PTPRJ: variants seen among roughly 807,000 people sequenced by gnomAD.
PTPRJ encodes protein tyrosine phosphatase receptor type J, also known as receptor-type tyrosine-protein phosphatase eta.
In PTPRJ, 129 loss-of-function variants were observed where a neutral mutation model predicts 141.3. The ratio of observed to expected loss-of-function variants is 0.91; its 90% CI spans 0.79 to 1.06. PTPRJ has a LOEUF of 1.06. Ranked by LOEUF, PTPRJ falls within the 50% of genes least tolerant of loss-of-function variation. The probability of loss-of-function intolerance (pLI) is 0.00; values close to 1 mark genes in which losing one functional copy is unlikely to be tolerated. For missense variants in PTPRJ, 1,601 were observed against 1,679.7 expected (o/e 0.95, Z 0.82); for synonymous variants, 610 against 640.5 (o/e 0.95, Z 0.72).
At chr11:48,072,350 C>G (rs1855284426) in intron 1 of PTPRJ, among the ~76,000 whole-genome samples, 1 of 152,164 alleles carries the variant, frequency 6.6e-6, no homozygotes, top group Non-Finnish European at 1.5e-5. Flanking sequence ...AGAAAGAGGG[C>G]TGAACTTGCC....
At chr11:47,982,848 C>T (rs2134169854) in intron 1 of PTPRJ, among the ~76,000 whole-genome samples, 1 of 152,120 alleles carries the variant, frequency 6.6e-6, no homozygotes, top group Non-Finnish European at 1.5e-5. Context: ...TTAGATATTT[C>T]CTTCCTCTAT....
In PTPRJ at chr11:48,014,083, AG is replaced by A. The variant is rs553447730; in HGVS notation, c.96+33078del. ...CAGAGTTAGTAGGTGGTGGTGATGGAGGGTATTGGCGTGAAGAGTGTGGATG... is the reference window on the plus strand; with the variant it reads ...CAGAGTTAGTAGGTGGTGGTGATGGAGGTATTGGCGTGAAGAGTGTGGATG... On this transcript the variant is annotated intron_variant, in intron 1 of 24. Transcript: ENST00000418331. Among the ~76,000 whole-genome samples, 23 of 152,156 alleles carry A rather than the reference AG, an allele frequency of 1.5e-4. No individual in the cohort carries two copies. The East Asian group carries it at 4.1e-3, about 27-fold the overall frequency.
intron 1 of PTPRJ, among the ~76,000 whole-genome samples, chr11:48,072,130 C>A (rs1855277925): frequency 6.6e-6 from 1 of 152,040 alleles, no homozygotes; most frequent in Non-Finnish European, 1.5e-5. Flanking sequence ...GTCTTGAGCT[C>A]CTGACCTCAG....
chr11:48,069,090 A>G (rs1465984836), intron 1 of PTPRJ, among the ~76,000 whole-genome samples: 2 of 149,616 alleles, frequency 1.3e-5, no homozygotes, highest in African/African-American at 2.5e-5. Flanking sequence ...ATGTGTACCC[A>G]TTTTCAAATG....
At chr11:48,043,170 G>T (rs1854310827) in intron 1 of PTPRJ, among the ~76,000 whole-genome samples, 1 of 152,074 alleles carries the variant, frequency 6.6e-6, no homozygotes, top group Non-Finnish European at 1.5e-5. Flanking sequence ...TTCTCTTTTA[G>T]CTCCATATTT....
rs1385819590 is a variant in PTPRJ at position 47,980,726 on chromosome 11, C to G, written c.-187C>G. 1.7e-5 allele frequency: 17 copies of G among 1,003,016 alleles called. 1 individual carries two copies. In the Middle Eastern group the frequency reaches 2.0e-3, roughly 115 times the overall value. 62.1% of individuals were successfully genotyped at this position (1,003,016 alleles called of 1,614,324 possible). On this transcript the variant is annotated 5_prime_UTR_variant, in exon 1 of 25. Transcript: ENST00000418331. ...GCCGCGCTAGGCTCCGGCGTGTGGCCGCGGCCGCCGCCGCCGCTGCCATGT... is the reference window on the plus strand; with the variant it reads ...GCCGCGCTAGGCTCCGGCGTGTGGCGGCGGCCGCCGCCGCCGCTGCCATGT...
intron 22 of PTPRJ, among the ~76,000 whole-genome samples, chr11:48,162,257 A>G (rs927328549): frequency 1.3e-5 from 2 of 151,968 alleles, no homozygotes; most frequent in South Asian, 4.1e-4. Context: ...TCCTTTGACT[A>G]CCACCCCTAA....
At chr11:48,090,918 G>T (rs1855853476) in intron 1 of PTPRJ, among the ~76,000 whole-genome samples, 1 of 152,134 alleles carries the variant, frequency 6.6e-6, no homozygotes, top group Admixed American at 6.5e-5. Context: ...GTCAAGCACT[G>T]TGGGAAAGGC....
intron 1 of PTPRJ, among the ~76,000 whole-genome samples, chr11:47,981,292 GC>G (rs1853899184): frequency 6.6e-6 from 1 of 152,162 alleles, no homozygotes; most frequent in Non-Finnish European, 1.5e-5. Context: ...GCCGTCCCTG[GC>G]CCGGCTCTTC....
chr11:48,056,740 G>C (rs932875688), intron 1 of PTPRJ, among the ~76,000 whole-genome samples: 1 of 152,152 alleles, frequency 6.6e-6, no homozygotes, highest in Admixed American at 6.5e-5. Flanking sequence ...ATCATCTGAG[G>C]TCAGGAGTTC....
intron 12 of PTPRJ, among the ~76,000 whole-genome samples, chr11:48,144,034 T>G (rs902092203): frequency 6.6e-6 from 1 of 151,934 alleles, no homozygotes; most frequent in Non-Finnish European, 1.5e-5. Flanking sequence ...TGGGAGATTC[T>G]TTATGCATGA....
At chr11:48,115,906 A>G (rs1419738660) in intron 3 of PTPRJ, among the ~76,000 whole-genome samples, 1 of 152,164 alleles carries the variant, frequency 6.6e-6, no homozygotes, top group African/African-American at 2.4e-5. Context: ...CATGGTAACC[A>G]CAAAGAAGAA....
At chr11:48,149,832 A>G (rs1440259455) in intron 16 of PTPRJ, 158 bp from the exon 17 acceptor site, 2 of 601,796 alleles carry the variant, frequency 3.3e-6, no homozygotes, top group East Asian at 6.0e-5. Flanking sequence ...GATTTCCTGA[A>G]TCATATTTTA....
At chr11:48,047,220 A>G (rs1854431131) in intron 1 of PTPRJ, among the ~76,000 whole-genome samples, 1 of 152,120 alleles carries the variant, frequency 6.6e-6, no homozygotes, top group Admixed American at 6.5e-5. Context: ...CAGGCCTTAC[A>G]TAAAAATTGT....
rs925774956 is a variant in PTPRJ, at chr11:47,989,390, C to T, written c.96+8382C>T. 4.6e-5 allele frequency among the ~76,000 whole-genome samples: 7 copies of T among 151,858 alleles called. No homozygotes were observed. In the East Asian group the frequency reaches 1.4e-3, roughly 29 times the overall value. On this transcript the variant is annotated intron_variant, in intron 1 of 24. Coordinates refer to ENST00000418331, the MANE Select transcript of PTPRJ (RefSeq NM_002843.4). Reference sequence around the variant, plus strand: ...CAAGTGATTCTCCTGCCTCAGCTTTCTGAGTAGCTGGGATTACAGGCGTGT... The same window carrying T: ...CAAGTGATTCTCCTGCCTCAGCTTTTTGAGTAGCTGGGATTACAGGCGTGT...
chr11:48,047,156 T>TC (rs1435730634), intron 1 of PTPRJ, among the ~76,000 whole-genome samples: 1 of 151,960 alleles, frequency 6.6e-6, no homozygotes, highest in African/African-American at 2.4e-5. Flanking sequence ...CCTCAGGTGA[T>TC]CCACCTGCCT....
Position 48,114,429 on chromosome 11 carries a change from C to CAAAAAAAAAA in PTPRJ, c.352+1466_352+1475dup, listed in dbSNP as rs71045544. Reference sequence around the variant, plus strand: ...CTCCCGACAGAGTGAGACTCTGTCTCAAAAAAAAAAAAAAAAAAAAAAAAA... The same window carrying CAAAAAAAAAA: ...CTCCCGACAGAGTGAGACTCTGTCTCAAAAAAAAAAAAAAAAAAAAAAAAAAAAAAAAAAA... On this transcript the variant is annotated intron_variant, in intron 3 of 24. Coordinates refer to ENST00000418331, the MANE Select transcript of PTPRJ (RefSeq NM_002843.4). Among the ~76,000 whole-genome samples the CAAAAAAAAAA allele has an allele frequency of 4.4e-5, 3 of 68,734 alleles. 1 individual carries two copies. Among genetic ancestry groups the CAAAAAAAAAA allele is most frequent in the Non-Finnish European group, 7.2e-5 (3 of 41,804 alleles). 45.1% of individuals were successfully genotyped at this position (68,734 alleles called of 152,430 possible).
In PTPRJ at chr11:48,116,618, T is replaced by C. The variant is rs1856573069; in HGVS notation, c.352+3635T>C. Among the ~76,000 whole-genome samples, 4 of 152,340 alleles carry C rather than the reference T, an allele frequency of 2.6e-5. No homozygotes were observed. In the South Asian group the frequency reaches 8.3e-4, roughly 32 times the overall value. On this transcript the variant is annotated intron_variant, in intron 3 of 24. Transcript: ENST00000418331. ...AACATTCCATCCAACAGCTGTAGAA[T>C]ACACACTTTTCAACTGCACCTGGAA...
At chr11:48,091,772 C>A (rs1055707844) in intron 1 of PTPRJ, among the ~76,000 whole-genome samples, 1 of 152,160 alleles carries the variant, frequency 6.6e-6, no homozygotes, top group Non-Finnish European at 1.5e-5. Flanking sequence ...TCCCAAGAGG[C>A]CTTGCTCTTT....
Sources: gnomAD v4.1 joint callset for allele counts (sites outside exome capture counted in the v4.1 genomes callset) on GRCh38, gnomAD v4.1.1 for gene constraint, MANE v1.5 for transcripts, NCBI Gene and HGNC (gene_info 2026-07-23, HGNC 2026-07-21) for gene names.